Variants in GPC6 observed in about 807,000 individuals in gnomAD.
GPC6 encodes the protein glypican-6.
GPC6 carries 14 observed loss-of-function variants against 55.2 expected under a neutral mutation model. That is an observed-to-expected ratio of 0.25 (90% CI 0.17 to 0.40). GPC6 has a LOEUF of 0.40. GPC6 is among the 10% of genes least tolerant of loss of function. GPC6 has a pLI of 1.00. For synonymous variants in GPC6, 278 were observed against 259.6 expected, an observed-to-expected ratio of 1.07 and a Z score of -0.68; for missense variants, 641 against 708.5, an observed-to-expected ratio of 0.90 and a Z score of 1.08.
At chr13:93,350,566 C>T (rs571597542) in intron 1 of GPC6, among the ~76,000 whole-genome samples, 1 of 152,156 alleles carries the variant, frequency 6.6e-6, no homozygotes, top group Non-Finnish European at 1.5e-5. Flanking sequence ...AAGCACTAAC[C>T]TACACTATTT....
chr13:93,503,110 G>A (rs1308450001), intron 1 of GPC6, among the ~76,000 whole-genome samples: 2 of 152,026 alleles, frequency 1.3e-5, no homozygotes, highest in East Asian at 3.9e-4. Flanking sequence ...CTCACCATGG[G>A]CATACCATCC....
chr13:93,964,744 T>C (rs1879945651), intron 3 of GPC6, among the ~76,000 whole-genome samples: 1 of 152,190 alleles, frequency 6.6e-6, no homozygotes, highest in African/African-American at 2.4e-5. Context: ...GTGAAAATTC[T>C]GTTGTTTCTC....
intron 1 of GPC6, among the ~76,000 whole-genome samples, chr13:93,278,663 G>T (rs950973046): frequency 6.6e-6 from 1 of 151,848 alleles, no homozygotes; most frequent in Non-Finnish European, 1.5e-5. Flanking sequence ...ATTTTGCCTG[G>T]GTAAGGATAA....
At chr13:93,869,239 C>A (rs1392567372) in intron 3 of GPC6, among the ~76,000 whole-genome samples, 1 of 151,824 alleles carries the variant, frequency 6.6e-6, no homozygotes, top group Non-Finnish European at 1.5e-5. Context: ...AAGGGAAAAA[C>A]AGGTTCAAAT....
intron 1 of GPC6, among the ~76,000 whole-genome samples, chr13:93,441,014 G>C (rs1470646551): frequency 6.6e-6 from 1 of 152,154 alleles, no homozygotes; most frequent in South Asian, 2.1e-4. Flanking sequence ...TCCCTACAAA[G>C]GACATGAACT....
At chr13:94,134,847 A>T (rs943378084) in intron 4 of GPC6, among the ~76,000 whole-genome samples, 9 of 152,158 alleles carry the variant, frequency 5.9e-5, no homozygotes, top group Non-Finnish European at 1.2e-4. Context: ...GTCACCTGTA[A>T]TGCTCTTATT....
intron 3 of GPC6, among the ~76,000 whole-genome samples, chr13:93,869,226 C>A (rs1262187305): frequency 1.3e-5 from 2 of 151,798 alleles, no homozygotes; most frequent in African/African-American, 4.8e-5. Context: ...AGTTTAACTT[C>A]AAAAGGGAAA....
intron 2 of GPC6, among the ~76,000 whole-genome samples, chr13:93,581,605 G>A (rs1270083394): frequency 2.6e-5 from 4 of 152,274 alleles, no homozygotes; most frequent in Admixed American, 2.6e-4. Flanking sequence ...TACTCGGGAG[G>A]CTGAGGTGGG....
At position 93,917,580 on chromosome 13, in the gene GPC6, CCTGAGGG is replaced by C. The variant is rs951974359; in HGVS notation, c.711+87037_711+87043del. Among the ~76,000 whole-genome samples, 74 of 152,128 alleles carry C rather than the reference CCTGAGGG, an allele frequency of 4.9e-4. 2 individuals carry two copies. The highest frequency in any genetic ancestry group is 3.9e-4 in the Admixed American group (6 of 15,268). ...GATGGGATGGGGAGCTCTGTTCATG[CCTGAGGG>C]CATTTGGAGCAAAGAGAACCTGAAA... On this transcript the variant is annotated intron_variant, in intron 3 of 8. Coordinates refer to ENST00000377047, the MANE Select transcript of GPC6 (RefSeq NM_005708.5).
chr13:93,939,470 C>A (rs542926229), intron 3 of GPC6, among the ~76,000 whole-genome samples: 2 of 146,768 alleles, frequency 1.4e-5, no homozygotes, highest in Admixed American at 6.9e-5. Flanking sequence ...TTTTGGCAGC[C>A]TGTATTATAT....
intron 1 of GPC6, among the ~76,000 whole-genome samples, chr13:93,480,350 A>G (rs1162637688): frequency 6.6e-6 from 1 of 152,260 alleles, no homozygotes; most frequent in Non-Finnish European, 1.5e-5. Context: ...TCTCTTTTCA[A>G]ACGGTTGAAA....
chr13:94,278,730 G>A (rs1167669402), intron 4 of GPC6, among the ~76,000 whole-genome samples: 1 of 152,126 alleles, frequency 6.6e-6, no homozygotes, highest in Non-Finnish European at 1.5e-5. Flanking sequence ...TTATGTGATG[G>A]ATTACATATA....
intron 3 of GPC6, among the ~76,000 whole-genome samples, chr13:93,933,738 C>T (rs1013334268): frequency 1.3e-5 from 2 of 152,076 alleles, no homozygotes; most frequent in African/African-American, 4.8e-5. Context: ...TTTCCAAATG[C>T]CTTTCAAAAT....
intron 1 of GPC6, among the ~76,000 whole-genome samples, chr13:93,259,744 A>T (rs1315189867): frequency 6.6e-6 from 1 of 152,114 alleles, no homozygotes; most frequent in Non-Finnish European, 1.5e-5. Context: ...TCCAGAGTAT[A>T]CATAGGAGTA....
At chr13:94,358,286 CAAAAAAA>C (rs572937217) in intron 6 of GPC6, among the ~76,000 whole-genome samples, 7 of 64,036 alleles carry the variant, frequency 1.1e-4, no homozygotes, top group African/African-American at 2.7e-4. Context: ...AAGACTCCGT[CAAAAAAA>C]AAAAAAAAGA....
chr13:93,861,945 C>A (rs920744913), intron 3 of GPC6, among the ~76,000 whole-genome samples: 10 of 151,652 alleles, frequency 6.6e-5, no homozygotes, highest in African/African-American at 2.4e-4. Context: ...GATAAGGAGA[C>A]ATGCCTGCCC....
At chr13:94,203,120 ATAGTGAGTCTTATATT>A (rs146133184) in intron 4 of GPC6, among the ~76,000 whole-genome samples, 10,386 of 151,118 alleles carry the variant, frequency 0.069, 400 homozygotes, top group South Asian at 0.091. Flanking sequence ...TATTTCACTT[ATAGTGAGTCTTATATT>A]TAGTGAGTCT....
chr13:93,681,568 G>A (rs1377404665), intron 2 of GPC6, among the ~76,000 whole-genome samples: 1 of 151,920 alleles, frequency 6.6e-6, no homozygotes, highest in East Asian at 1.9e-4. Context: ...CCTGCCACTG[G>A]GTGGACTAAA....
chr13:94,311,598 C>T (rs763618681), intron 6 of GPC6, among the ~76,000 whole-genome samples: 3 of 152,210 alleles, frequency 2.0e-5, no homozygotes, highest in Admixed American at 6.5e-5. Flanking sequence ...AACTGTTTGG[C>T]CTTAAATCCA....
Sources: allele counts gnomAD v4.1 joint callset (sites outside exome capture counted in the v4.1 genomes callset), GRCh38; gene constraint gnomAD v4.1.1; transcripts MANE v1.5; gene names NCBI Gene and HGNC (gene_info 2026-07-23, HGNC 2026-07-21).